ABHD14A: variants seen among roughly 807,000 people sequenced by gnomAD.
ABHD14A encodes abhydrolase domain containing 14A, also known as protein ABHD14A.
ABHD14A carries 19 observed loss-of-function variants against 27.0 expected under a neutral mutation model. That is an observed-to-expected ratio of 0.70 (90% CI 0.49 to 1.03). The LOEUF is 1.03. Among genes scored for constraint, ABHD14A ranks in the 50% least tolerant of loss-of-function variants. The pLI is 0.00. For missense variants in ABHD14A, 311 were observed against 344.6 expected (o/e 0.90, Z 0.77); for synonymous variants, 148 against 158.8 (o/e 0.93, Z 0.51).
rs145685600 is a variant in ABHD14A, at chr3:51,980,458, C to T, written c.463C>T (p.Arg155Trp). The T allele has an allele frequency of 3.5e-4, 566 of 1,613,310 alleles. 4 individuals are homozygous for T. In the East Asian group the frequency reaches 0.011, roughly 32 times the overall value. Residue 155 changes from arginine (R) to tryptophan (W), a missense_variant, in exon 4 of 5, where the codon CGG becomes TGG. Arg to Trp is a moderately radical substitution (Grantham distance 101, BLOSUM62 -3). Transcript: ENST00000273596. Reference sequence around the variant, plus strand: ...GGCAGGGCGGGCAGCGCTGCTGGAGCGGGCGCTGCGGGACCTGGAGGTACA... The same window carrying T: ...GGCAGGGCGGGCAGCGCTGCTGGAGTGGGCGCTGCGGGACCTGGAGGTACA... ...TEAGRAALLE[R>W]ALRDLEVQNA... is the part of the protein sequence containing the mutation.
chr3:51,980,049 C>T (rs1289521203), intron 3 of ABHD14A, among the ~76,000 whole-genome samples: 2 of 151,544 alleles, frequency 1.3e-5, no homozygotes, highest in East Asian at 2.0e-4. Flanking sequence ...CAGCCTCCTG[C>T]GTAGCTGGGA....
At chr3:51,978,511 T>G in intron 3 of ABHD14A, 137 bp downstream of exon 3, 1 of 549,536 alleles carries the variant, frequency 1.8e-6, no homozygotes, top group African/African-American at 1.9e-5. Context: ...CATTTTCTAC[T>G]ATGAAAACTA....
intron 1 of ABHD14A, 142 bp downstream of exon 1, chr3:51,975,346 A>G (rs1700764213): frequency 3.0e-6 from 2 of 674,936 alleles, no homozygotes; most frequent in Admixed American, 1.1e-4. Flanking sequence ...CGCGCGTGTA[A>G]TGTGTGTGCG....
chr3:51,978,782 G>C (rs1700845631), intron 3 of ABHD14A: 1 of 228,860 alleles, frequency 4.4e-6, no homozygotes, highest in South Asian at 4.3e-5. Context: ...AGTGGAGATA[G>C]GGTTTCACCA....
chr3:51,980,830 C>G lies in ABHD14A; in HGVS notation c.634-6C>G. On this transcript the variant is annotated splice_polypyrimidine_tract_variant and splice_region_variant and intron_variant, in intron 4 of 4. Transcript: ENST00000273596. Reference sequence around the variant, plus strand: ...CAAGATCACAGCCCCCTGCCTTGCCCTGCAGACTCCAACCCTTATCCTGTA... The same window carrying G: ...CAAGATCACAGCCCCCTGCCTTGCCGTGCAGACTCCAACCCTTATCCTGTA... The G allele has an allele frequency of 6.2e-7, 1 of 1,608,124 alleles. No homozygotes were observed.
At chr3:51,980,085 G>C (rs1472331045) in intron 3 of ABHD14A, among the ~76,000 whole-genome samples, 1 of 151,970 alleles carries the variant, frequency 6.6e-6, no homozygotes, top group Non-Finnish European at 1.5e-5. Context: ...ACCTCGCCTG[G>C]CTAATTTTTT....
rs1340820970 is a variant in ABHD14A at position 51,975,176 on chromosome 3, G to T, written c.41G>T (p.Gly14Val). The change falls in exon 1 of 5, where the codon GGG becomes GTG. Residue 14 changes from glycine (G) to valine (V), a missense_variant. Gly to Val is a moderately radical substitution (Grantham distance 109, BLOSUM62 -3). Transcript: ENST00000273596. ...ALCGCWFRLG[G>V]ARPLIPLGPT... ...TGCGGCTGCTGGTTCCGCCTGGGCG[G>T]GGCCCGCCCGCTCATCCCGTTGGGC... The T allele has an allele frequency of 7.8e-7, 1 of 1,278,044 alleles. No individual in the cohort carries two copies. The allele number at this position is 1,278,044 out of a possible 1,614,324, so 79.2% of individuals were successfully genotyped here. A position where few individuals can be genotyped will look rare whatever the true frequency, so the allele number is the denominator to read the frequency against.
chr3:51,979,609 T>C (rs1700871117), intron 3 of ABHD14A, among the ~76,000 whole-genome samples: 1 of 151,324 alleles, frequency 6.6e-6, no homozygotes, highest in Non-Finnish European at 1.5e-5. Context: ...CTCAGTCTCC[T>C]GAGTAGCTGG....
chr3:51,977,125 C>T (rs1437836802), intron 1 of ABHD14A, among the ~76,000 whole-genome samples: 1 of 152,194 alleles, frequency 6.6e-6, no homozygotes, highest in African/African-American at 2.4e-5. Flanking sequence ...ACAAGACATT[C>T]TCTGTGAGCC....
chr3:51,975,320 C>T (rs1024843773), intron 1 of ABHD14A, 116 bp downstream of exon 1: 3 of 997,852 alleles, frequency 3.0e-6, no homozygotes, highest in Non-Finnish European at 3.9e-6. Flanking sequence ...ACGCTGGGGC[C>T]GCGAATGTGC....
chr3:51,978,566 G>C, intron 3 of ABHD14A, 192 bp downstream of exon 3: 1 of 415,278 alleles, frequency 2.4e-6, no homozygotes, highest in Non-Finnish European at 4.2e-6. Flanking sequence ...CTCTTCACAA[G>C]CAGTATACTT....
chr3:51,977,429 A>C (rs1182700525), intron 1 of ABHD14A, among the ~76,000 whole-genome samples: 1 of 152,112 alleles, frequency 6.6e-6, no homozygotes, highest in Non-Finnish European at 1.5e-5. Context: ...CCCACTTGCT[A>C]CTTGGCACTT....
intron 3 of ABHD14A, 83 bp from the exon 4 acceptor site, chr3:51,980,310 C>T: frequency 7.4e-7 from 1 of 1,345,728 alleles, no homozygotes; most frequent in Non-Finnish European, 1.1e-6. Flanking sequence ...CAGTGGTCCC[C>T]AACTTTTTCC....
At chr3:51,980,743 T>A in intron 4 of ABHD14A, 93 bp from the exon 5 acceptor site, 1 of 1,558,846 alleles carries the variant, frequency 6.4e-7, no homozygotes, top group South Asian at 1.2e-5. Context: ...GATGGAAGAG[T>A]TGGATGGTGT....
chr3:51,978,171 C>T lies in ABHD14A; in HGVS notation c.282-88C>T, dbSNP rs961578301. ...CCCATTATACTCAGGGTGCTCAGGT[C>T]CTGGGAGGGCAATGGGAGAAGCCTA... On this transcript the variant is annotated intron_variant, in intron 2 of 4. Coordinates refer to ENST00000273596, the MANE Select transcript of ABHD14A (RefSeq NM_015407.5). 3.9e-6 allele frequency: 6 copies of T among 1,532,898 alleles called. No individual in the cohort carries two copies. In the African/African-American group the frequency reaches 8.3e-5, roughly 21 times the overall value. 95.0% of individuals were successfully genotyped at this position (1,532,898 alleles called of 1,614,324 possible).
rs1700751678 is a variant in ABHD14A, at chr3:51,975,074, C to T, written c.-62C>T. The T allele has an allele frequency of 7.9e-7, 1 of 1,269,666 alleles. No individual in the cohort carries two copies. The highest frequency in any genetic ancestry group is 2.6e-5 in the South Asian group (1 of 38,268). 78.7% of individuals were successfully genotyped at this position (1,269,666 alleles called of 1,614,324 possible). ...GCGGCTGCGGAGTGCGCAGGCGCGCCGAGATGGCCGCGCTCCTGGCCGCCT... is the reference window on the plus strand; with the variant it reads ...GCGGCTGCGGAGTGCGCAGGCGCGCTGAGATGGCCGCGCTCCTGGCCGCCT... On this transcript the variant is annotated 5_prime_UTR_variant, in exon 1 of 5. Coordinates refer to ENST00000273596, the MANE Select transcript of ABHD14A (RefSeq NM_015407.5).
chr3:51,980,860 G>C lies in ABHD14A; in HGVS notation c.658G>C (p.Glu220Gln), dbSNP rs758696156. 2.5e-6 allele frequency: 4 copies of C among 1,614,070 alleles called. No homozygotes were observed. In the South Asian group the frequency reaches 3.3e-5, roughly 13 times the overall value. ...VKTPTLILYG[E>Q]LDHILARESL... is the part of the protein sequence containing the mutation. ...GACTCCAACCCTTATCCTGTATGGA[G>C]AGCTGGACCACATCCTGGCTCGAGA... The change falls in exon 5 of 5, where the codon GAG (glutamate) becomes CAG (glutamine). Residue 220 changes from glutamate to glutamine, a missense_variant. By Grantham distance (29) the Glu-to-Gln change is conservative. Transcript: ENST00000273596.
Position 51,980,530 on chromosome 3 carries a change from C to G in ABHD14A, c.535C>G (p.Pro179Ala). The G allele has an allele frequency of 6.2e-7, 1 of 1,614,110 alleles. No homozygotes were observed. The highest frequency in any genetic ancestry group is 8.5e-7 in the Non-Finnish European group (1 of 1,180,030). ...SPSLSGHYAL[P>A]FLMRGHHQLH... is the part of the protein sequence containing the mutation. The stretch of plus-strand genomic sequence containing the variant: ...CTCGCTGAGTGGCCACTATGCCCTG[C>G]CCTTCCTGATGCGAGGCCACCACCA... Residue 179 changes from proline to alanine, a missense_variant, in exon 4 of 5, where the codon CCC becomes GCC. Pro to Ala is a conservative substitution (Grantham distance 27, BLOSUM62 -1). Transcript: ENST00000273596.
chr3:51,978,132 C>T (rs1270985494), intron 2 of ABHD14A, 50 bp downstream of exon 2: 1 of 1,576,102 alleles, frequency 6.3e-7, no homozygotes, highest in African/African-American at 1.4e-5. Flanking sequence ...CAAGGGGAGT[C>T]CCTGTGTGGG....
Sources: gnomAD v4.1 joint callset for allele counts (sites outside exome capture counted in the v4.1 genomes callset) on GRCh38, gnomAD v4.1.1 for gene constraint, MANE v1.5 for transcripts, NCBI Gene and HGNC (gene_info 2026-07-23, HGNC 2026-07-21) for gene names.